Variants in DPP6 observed in about 807,000 individuals in gnomAD.
DPP6 encodes dipeptidyl peptidase like 6.
In DPP6, 69 loss-of-function variants were observed where a neutral mutation model predicts 122.6. The observed-to-expected ratio is 0.56, with a 90% CI of 0.46 to 0.69. The LOEUF (loss-of-function observed/expected upper bound fraction) is 0.69, where lower values mean the gene tolerates loss of function less well. DPP6 is among the 30% of genes least tolerant of loss of function. DPP6 has a pLI of 0.00. For missense variants in DPP6, 928 were observed against 1,116.9 expected, an observed-to-expected ratio of 0.83 and a Z score of 2.41; for synonymous variants, 418 against 433.1, an observed-to-expected ratio of 0.97 and a Z score of 0.43.
At chr7:154,363,636 T>C (rs34341351) in intron 1 of DPP6, among the ~76,000 whole-genome samples, 13,534 of 152,200 alleles carry the variant, frequency 0.089, 774 homozygotes, top group African/African-American at 0.15. Flanking sequence ...GCTCCGTGGG[T>C]TGACAGCTGG....
At chr7:154,759,376 A>G (rs1439610459) in intron 8 of DPP6, among the ~76,000 whole-genome samples, 1 of 152,210 alleles carries the variant, frequency 6.6e-6, no homozygotes, top group African/African-American at 2.4e-5. Flanking sequence ...AGGCTTCTCA[A>G]TCACACAACT....
At chr7:154,201,677 C>G (rs1258218146) in intron 1 of DPP6, among the ~76,000 whole-genome samples, 1 of 152,116 alleles carries the variant, frequency 6.6e-6, no homozygotes, top group African/African-American at 2.4e-5. Context: ...TAAGGTACAG[C>G]TGCAGATAGA....
At chr7:154,356,126 C>A (rs1811249734) in intron 1 of DPP6, among the ~76,000 whole-genome samples, 1 of 151,942 alleles carries the variant, frequency 6.6e-6, no homozygotes, top group Non-Finnish European at 1.5e-5. Flanking sequence ...TTTCCATTTT[C>A]TGTTTTTTCT....
chr7:154,784,017 T>C (rs1347174150), intron 10 of DPP6, among the ~76,000 whole-genome samples: 1 of 152,090 alleles, frequency 6.6e-6, no homozygotes, highest in African/African-American at 2.4e-5. Context: ...CAAAGACACC[T>C]GGGGAACTGC....
intron 7 of DPP6, among the ~76,000 whole-genome samples, chr7:154,699,058 G>C (rs1437732645): frequency 1.3e-5 from 2 of 152,178 alleles, no homozygotes; most frequent in Admixed American, 6.5e-5. Context: ...AGCCACCCAG[G>C]GAACCTGGGA....
chr7:154,208,694 T>G (rs62484079), intron 1 of DPP6, among the ~76,000 whole-genome samples: 8,161 of 152,058 alleles, frequency 0.054, 413 homozygotes, highest in African/African-American at 0.12. Context: ...AGTTTTGAGG[T>G]GATGCTCCAG....
intron 1 of DPP6, among the ~76,000 whole-genome samples, chr7:153,997,349 T>TC (rs758603931): frequency 6.6e-6 from 1 of 152,172 alleles, no homozygotes; most frequent in Non-Finnish European, 1.5e-5. Context: ...GGAACCTTGT[T>TC]ACGCTATTTT....
At chr7:154,107,185 C>T (rs1156822643) in intron 1 of DPP6, among the ~76,000 whole-genome samples, 3 of 152,180 alleles carry the variant, frequency 2.0e-5, no homozygotes, top group Non-Finnish European at 4.4e-5. Context: ...GAAACATTCC[C>T]TGTGCTCATC....
chr7:154,565,573 T>A (rs930144087), intron 4 of DPP6, among the ~76,000 whole-genome samples: 1 of 152,138 alleles, frequency 6.6e-6, no homozygotes, highest in African/African-American at 2.4e-5. Flanking sequence ...TCGCCCAGGC[T>A]GGAGTGCAAT....
intron 7 of DPP6, among the ~76,000 whole-genome samples, chr7:154,686,783 C>A (rs34578312): frequency 0.044 from 6,641 of 152,172 alleles, 161 homozygotes; most frequent in African/African-American, 0.078. Flanking sequence ...TTCTACGCTT[C>A]ATTATTTTTT....
chr7:153,840,763 G>T, the DPP6 span, among the ~76,000 whole-genome samples: 4 of 152,312 alleles, frequency 2.6e-5, no homozygotes, highest in South Asian at 2.1e-4. Flanking sequence ...AAAGACAGCG[G>T]ACATTTCTAC....
upstream of DPP6, among the ~76,000 whole-genome samples, chr7:153,886,428 T>C (rs1034223171): frequency 6.6e-6 from 1 of 150,820 alleles, no homozygotes; most frequent in Admixed American, 6.6e-5. Context: ...AGTGCTGGGG[T>C]TCCAGGGTAG....
intron 10 of DPP6, among the ~76,000 whole-genome samples, chr7:154,782,274 G>A (rs1797073262): frequency 6.6e-6 from 1 of 152,174 alleles, no homozygotes; most frequent in African/African-American, 2.4e-5. Flanking sequence ...TTCGCTTCCT[G>A]TTCATATTTT....
At position 154,052,729 on chromosome 7, in the gene DPP6, T is replaced by A. The variant is rs574564311; in HGVS notation, c.-92T>A. The A allele has an allele frequency of 6.1e-5, 78 of 1,276,532 alleles. No homozygotes were observed. In the African/African-American group the frequency reaches 1.1e-3, roughly 18 times the overall value. 79.1% of individuals were successfully genotyped at this position (1,276,532 alleles called of 1,614,324 possible). On this transcript the variant is annotated 5_prime_UTR_variant, in exon 1 of 26. Transcript: ENST00000377770. The surrounding 1 kb of genome is among the most constrained non-coding windows in gnomAD (Gnocchi z 4.8). ...GCTGCCTCCCCACCGCCTTTTTTTT[T>A]TTTTAATCTGGAGCGGGGTGGGGAG...
At chr7:154,120,153 C>A (rs1283613379) in intron 1 of DPP6, among the ~76,000 whole-genome samples, 1 of 152,106 alleles carries the variant, frequency 6.6e-6, no homozygotes, top group Admixed American at 6.5e-5. Context: ...GTGTTTTTTA[C>A]ACTTTATAAT....
intron 1 of DPP6, among the ~76,000 whole-genome samples, chr7:154,010,923 C>T (rs1401965604): frequency 6.6e-6 from 1 of 152,108 alleles, no homozygotes; most frequent in African/African-American, 2.4e-5. Context: ...GTTCATCTGG[C>T]CCCCATCCTG....
In DPP6 at chr7:154,880,907, T is replaced by C. The variant is rs1456541250; in HGVS notation, c.2098T>C (p.Tyr700His). The change falls in exon 21 of 26, where the codon TAC becomes CAC. Residue 700 changes from tyrosine (Y) to histidine (H), a missense_variant. Transcript: ENST00000377770. Reference protein sequence around the residue: ...EAVRTMLKEQYIDRTRVAVFG... With the variant: ...EAVRTMLKEQHIDRTRVAVFG... ...TCACAGGACGATGCTGAAGGAGCAG[T>C]ACATTGACAGGACGCGCGTGGCCGT... The C allele has an allele frequency of 1.2e-6, 2 of 1,613,902 alleles. No individual in the cohort carries two copies. Among genetic ancestry groups the C allele is most frequent in the African/African-American group, 1.3e-5 (1 of 75,012 alleles).
At chr7:154,168,056 A>T (rs1295949155) in intron 1 of DPP6, among the ~76,000 whole-genome samples, 1 of 152,214 alleles carries the variant, frequency 6.6e-6, no homozygotes, top group Non-Finnish European at 1.5e-5. Context: ...GCAGAGGCAG[A>T]CACTGAGGAC....
chr7:154,351,509 C>A (rs1194296794), intron 1 of DPP6, among the ~76,000 whole-genome samples: 1 of 152,104 alleles, frequency 6.6e-6, no homozygotes, highest in Non-Finnish European at 1.5e-5. Context: ...CAGACCCCAA[C>A]TCCTCCCTGA....
Sources: allele counts gnomAD v4.1 joint callset (sites outside exome capture counted in the v4.1 genomes callset), GRCh38; gene constraint gnomAD v4.1.1; non-coding constraint Gnocchi (gnomAD v3.1); transcripts MANE v1.5; gene names NCBI Gene and HGNC (gene_info 2026-07-23, HGNC 2026-07-21).